The following RBFOX1 variants were observed in gnomAD, a reference collection of about 807,000 sequenced individuals.
RBFOX1 encodes the protein RNA binding protein fox-1 homolog 1.
In RBFOX1, 8 loss-of-function variants were observed where a neutral mutation model predicts 57.7. The observed-to-expected ratio is 0.14, with a 90% CI of 0.08 to 0.25. RBFOX1 has a LOEUF of 0.25. Ranked by LOEUF, RBFOX1 falls within the 10% of genes least tolerant of loss-of-function variation. The pLI is 1.00. For missense variants in RBFOX1, 611 were observed against 548.5 expected (o/e 1.11, Z -1.14); for synonymous variants, 326 against 222.4 (o/e 1.47, Z -4.15).
intron 4 of RBFOX1, among the ~76,000 whole-genome samples, chr16:7,063,322 T>G (rs1177025979): frequency 6.6e-6 from 1 of 152,042 alleles, no homozygotes; most frequent in African/African-American, 2.4e-5. Context: ...ACCACCCCCG[T>G]GCCCACAGAT....
intron 3 of RBFOX1, among the ~76,000 whole-genome samples, chr16:7,014,535 G>A (rs1404819962): frequency 6.6e-6 from 1 of 151,958 alleles, no homozygotes; most frequent in African/African-American, 2.4e-5. Flanking sequence ...GCCTCCCAAA[G>A]TGCTAGAATT....
At chr16:7,394,703 G>T (rs1295189175) in intron 4 of RBFOX1, among the ~76,000 whole-genome samples, 1 of 152,130 alleles carries the variant, frequency 6.6e-6, no homozygotes, top group African/African-American at 2.4e-5. Flanking sequence ...AGGGTTTCAT[G>T]TGCCCCGGTT....
At chr16:6,994,450 C>G (rs971951286) in intron 3 of RBFOX1, among the ~76,000 whole-genome samples, 4 of 152,140 alleles carry the variant, frequency 2.6e-5, no homozygotes, top group African/African-American at 7.2e-5. Flanking sequence ...CCAGCTCTCT[C>G]TTTTTAATGC....
intron 11 of RBFOX1, among the ~76,000 whole-genome samples, chr16:7,643,117 C>T (rs1245512808): frequency 2.0e-5 from 3 of 152,196 alleles, no homozygotes; most frequent in South Asian, 2.1e-4. Context: ...AGGAACAGCA[C>T]GCCAATTAGT....
intron 3 of RBFOX1, among the ~76,000 whole-genome samples, chr16:6,771,519 G>C (rs1364913520): frequency 1.3e-5 from 2 of 151,972 alleles, no homozygotes; most frequent in African/African-American, 4.8e-5. Flanking sequence ...ACCCTAGCAA[G>C]CTGAAGCCAA....
intron 4 of RBFOX1, among the ~76,000 whole-genome samples, chr16:7,151,405 G>A (rs2076082785): frequency 6.6e-6 from 1 of 152,102 alleles, no homozygotes; most frequent in Non-Finnish European, 1.5e-5. Context: ...GCAGGGCAGG[G>A]TAAAGGGGTT....
At chr16:7,422,449 A>G (rs1329349039) in intron 4 of RBFOX1, among the ~76,000 whole-genome samples, 1 of 152,124 alleles carries the variant, frequency 6.6e-6, no homozygotes, top group Non-Finnish European at 1.5e-5. Context: ...TGCCTTTTTC[A>G]TTATAGGTTC....
At chr16:7,535,087 C>T (rs79190950) in intron 5 of RBFOX1, among the ~76,000 whole-genome samples, 2,982 of 152,244 alleles carry the variant, frequency 0.02, 100 homozygotes, top group African/African-American at 0.067. Context: ...TTGTACTTCT[C>T]TCTTTTATTA....
chr16:5,586,806 C>T (rs1352006397), intron 2 of RBFOX1, among the ~76,000 whole-genome samples: 1 of 152,150 alleles, frequency 6.6e-6, no homozygotes, highest in Non-Finnish European at 1.5e-5. Context: ...CCCCATTACC[C>T]CCAGTTTTAC....
chr16:5,462,330 G>C (rs562936568), intron 1 of RBFOX1, among the ~76,000 whole-genome samples: 1 of 151,966 alleles, frequency 6.6e-6, no homozygotes, highest in African/African-American at 2.4e-5. Flanking sequence ...CACCACGCCC[G>C]GCTAATTTTT....
At chr16:5,979,487 A>G (rs1233096068) in intron 4 of RBFOX1, among the ~76,000 whole-genome samples, 1 of 152,232 alleles carries the variant, frequency 6.6e-6, no homozygotes, top group Non-Finnish European at 1.5e-5. Context: ...CTGAGCATTT[A>G]CTATGTGATA....
intron 3 of RBFOX1, among the ~76,000 whole-genome samples, chr16:6,904,395 G>C (rs540348489): frequency 2.0e-5 from 3 of 151,992 alleles, no homozygotes; most frequent in East Asian, 3.9e-4. Flanking sequence ...GAGGTCAGGA[G>C]TTTGAGACCA....
intron 4 of RBFOX1, among the ~76,000 whole-genome samples, chr16:7,157,290 G>T (rs4786970): frequency 6.6e-6 from 1 of 152,158 alleles, no homozygotes; most frequent in African/African-American, 2.4e-5. Flanking sequence ...CCATATGCTT[G>T]ATTACTAAAT....
chr16:5,487,773 A>G (rs1419304134), intron 2 of RBFOX1, among the ~76,000 whole-genome samples: 1 of 152,126 alleles, frequency 6.6e-6, no homozygotes, highest in Non-Finnish European at 1.5e-5. Flanking sequence ...TGCCCTTGGT[A>G]TGCATTATCT....
chr16:5,561,441 A>G (rs1280479724), intron 2 of RBFOX1, among the ~76,000 whole-genome samples: 1 of 152,068 alleles, frequency 6.6e-6, no homozygotes, highest in Non-Finnish European at 1.5e-5. Context: ...TGGGACACAG[A>G]CATTCTCTTT....
At chr16:6,904,390 C>G (rs1480555392) in intron 3 of RBFOX1, among the ~76,000 whole-genome samples, 1 of 151,790 alleles carries the variant, frequency 6.6e-6, no homozygotes, top group Non-Finnish European at 1.5e-5. Context: ...AAGTTGAGGT[C>G]AGGAGTTTGA....
intron 4 of RBFOX1, among the ~76,000 whole-genome samples, chr16:7,378,175 G>A (rs565708166): frequency 4.6e-5 from 7 of 152,292 alleles, no homozygotes; most frequent in East Asian, 1.9e-4. Flanking sequence ...GAGCTTTATC[G>A]TTGCTGAGCC....
At chr16:6,452,874 G>C (rs1023187868) in intron 2 of RBFOX1, among the ~76,000 whole-genome samples, 1 of 152,164 alleles carries the variant, frequency 6.6e-6, no homozygotes, top group African/African-American at 2.4e-5. Context: ...GTAGATATAA[G>C]ATGGTGTTCA....
intron 3 of RBFOX1, among the ~76,000 whole-genome samples, chr16:6,766,198 T>C (rs1013767156): frequency 5.3e-5 from 8 of 152,068 alleles, no homozygotes; most frequent in African/African-American, 1.9e-4. Flanking sequence ...AAGACATGAA[T>C]AAGAGCCCTT....
Sources: gnomAD v4.1 joint callset for allele counts (sites outside exome capture counted in the v4.1 genomes callset) on GRCh38, gnomAD v4.1.1 for gene constraint, MANE v1.5 for transcripts, NCBI Gene and HGNC (gene_info 2026-07-23, HGNC 2026-07-21) for gene names.